The following PDZD7 variants were observed in gnomAD, a reference collection of about 807,000 sequenced individuals.
PDZD7 encodes PDZ domain containing 7.
PDZD7 carries 72 observed loss-of-function variants against 84.7 expected under a neutral mutation model. That is an observed-to-expected ratio of 0.85 (90% CI 0.70 to 1.03). The LOEUF is 1.03. Among genes scored for constraint, PDZD7 ranks in the 50% least tolerant of loss-of-function variants. PDZD7 has a pLI of 0.00. For synonymous variants in PDZD7, 594 were observed against 580.7 expected, an observed-to-expected ratio of 1.02 and a Z score of -0.33; for missense variants, 1,490 against 1,412.9, an observed-to-expected ratio of 1.05 and a Z score of -0.87.
intron 2 of PDZD7, 38 bp downstream of exon 2, chr10:101,029,956 C>CAACCCAAACCAG: frequency 1.5e-6 from 2 of 1,318,206 alleles, no homozygotes; most frequent in Non-Finnish European, 2.2e-6. Flanking sequence ...TACCCCCACC[C>CAACCCAAACCAG]TCCCCAACCC....
At chr10:101,009,676 C>CGG (rs1453360965) in intron 15 of PDZD7, among the ~76,000 whole-genome samples, 1 of 132,614 alleles carries the variant, frequency 7.5e-6, no homozygotes, top group Admixed American at 9.0e-5. Flanking sequence ...GGCACGATCT[C>CGG]GGCTCACCGC....
chr10:101,022,255 T>A lies in PDZD7; in HGVS notation c.673A>T (p.Asn225Tyr). The A allele has an allele frequency of 6.2e-7, 1 of 1,614,190 alleles. No individual in the cohort carries two copies. The highest frequency in any genetic ancestry group is 8.5e-7 in the Non-Finnish European group (1 of 1,180,036). ...CCAAACTCCTTGCCCCCACGGATGTTGAAGCCCAGGCAGAAGTCGTCGGAG... is the reference window on the plus strand; with the variant it reads ...CCAAACTCCTTGCCCCCACGGATGTAGAAGCCCAGGCAGAAGTCGTCGGAG... ...TTSDDFCLGF[N>Y]IRGGKEFGLG... The change falls in exon 5 of 17, where the codon AAC (asparagine) becomes TAC (tyrosine). Residue 225 changes from asparagine (N) to tyrosine (Y), a missense_variant. Asn to Tyr is a moderately radical substitution (Grantham distance 143). Transcript: ENST00000619208.
At position 101,008,477 on chromosome 10, in the gene PDZD7, C is replaced by A; in HGVS notation, c.3092G>T (p.Arg1031Leu). 6.7e-7 allele frequency: 1 copy of A among 1,498,322 alleles called. No homozygotes were observed. Among genetic ancestry groups the A allele is most frequent in the Non-Finnish European group, 8.9e-7 (1 of 1,129,446 alleles). The allele number at this position is 1,498,322 out of a possible 1,614,324, so 92.8% of individuals were successfully genotyped here. A position where few individuals can be genotyped will look rare whatever the true frequency, so the allele number is the denominator to read the frequency against. ...AGGTTAGGGGGAGGGTCATGGGATGCGTGGGGAGGGTGCGGGCTTAGAATC... is the reference window on the plus strand; with the variant it reads ...AGGTTAGGGGGAGGGTCATGGGATGAGTGGGGAGGGTGCGGGCTTAGAATC... ...TPDSKPAPSP[R>L]IP is the part of the protein sequence containing the mutation. The change falls in exon 17 of 17, where the codon CGC (arginine) becomes CTC (leucine). Residue 1031 changes from arginine to leucine, a missense_variant. Transcript: ENST00000619208.
At chr10:101,029,953 A>AC in intron 2 of PDZD7, 41 bp downstream of exon 2, 29 of 719,778 alleles carry the variant, frequency 4.0e-5, no homozygotes, top group East Asian at 1.1e-4. Context: ...CCCTACCCCC[A>AC]CCCTCCCCAA....
rs1428008011 is a variant in PDZD7 at position 101,008,742 on chromosome 10, T to C, written c.2827A>G (p.Met943Val). The C allele has an allele frequency of 6.5e-7, 1 of 1,535,930 alleles. No homozygotes were observed. Among genetic ancestry groups the C allele is most frequent in the East Asian group, 2.4e-5 (1 of 40,900 alleles). The change falls in exon 17 of 17, where the codon ATG becomes GTG. Residue 943 changes from methionine to valine, a missense_variant. By Grantham distance (21) the Met-to-Val change is conservative (BLOSUM62 1). Transcript: ENST00000619208. ...RAYRNKAREP[M>V]ELVVRVPGPS... The stretch of plus-strand genomic sequence containing the variant: ...CCGGGGACCCTGACCACAAGCTCCA[T>C]GGGCTCCCGGGCCTTGTTTCGATAA...
chr10:101,008,649 A>C lies in PDZD7; in HGVS notation c.2920T>G (p.Leu974Val). 6.5e-7 allele frequency: 1 copy of C among 1,536,018 alleles called. No homozygotes were observed. The highest frequency in any genetic ancestry group is 1.2e-5 in the South Asian group (1 of 84,042). ...LTDGGLPADH[L>V]PAHQPLDAAP... ...GCATCAAGGGGTTGGTGGGCAGGCA[A>C]GTGGTCAGCAGGAAGGCCCCCATCA... The change falls in exon 17 of 17, where the codon TTG (leucine) becomes GTG (valine). Residue 974 changes from leucine (L) to valine (V), a missense_variant. Transcript: ENST00000619208.
rs1023223267 is a variant in PDZD7, at chr10:101,011,380, G to A, written c.2005+310C>T. 2.2e-5 allele frequency: 13 copies of A among 585,700 alleles called. No homozygotes were observed. In the African/African-American group the frequency reaches 2.5e-4, roughly 11 times the overall value. The allele number at this position is 585,700 out of a possible 1,614,324, so 36.3% of individuals were successfully genotyped here. A position where few individuals can be genotyped will look rare whatever the true frequency, so the allele number is the denominator to read the frequency against. On this transcript the variant is annotated intron_variant, in intron 14 of 16. Transcript: ENST00000619208. ...AATGCTTCCTGCTGGAATCGTTACC[G>A]TTCTATTTTAATGTGTCTAAGAAAA...
rs1341759487 is a variant in PDZD7, at chr10:101,010,568, C to T, written c.2321G>A (p.Ser774Asn). 3.4e-6 allele frequency: 5 copies of T among 1,487,012 alleles called. No homozygotes were observed. The Admixed American group carries it at 8.0e-5, about 24-fold the overall frequency. The allele number at this position is 1,487,012 out of a possible 1,614,324, so 92.1% of individuals were successfully genotyped here. A position where few individuals can be genotyped will look rare whatever the true frequency, so the allele number is the denominator to read the frequency against. Residue 774 changes from serine (S) to asparagine (N), a missense_variant, in exon 15 of 17, where the codon AGC becomes AAC. Physicochemically the swap from Ser to Asn is conservative, Grantham distance 46. Transcript: ENST00000619208. The part of the protein sequence containing the change: ...SQIRGRAQSR[S>N]RSRSRSRSRS... ...GCTGCGGCTGCGGCTACGGCTGCGGCTACGGCTCTGAGCCCGGCCCCGGAT... is the reference window on the plus strand; with the variant it reads ...GCTGCGGCTGCGGCTACGGCTGCGGTTACGGCTCTGAGCCCGGCCCCGGAT...
chr10:101,026,477 T>C (rs1422238854), intron 2 of PDZD7, among the ~76,000 whole-genome samples: 3 of 17,290 alleles, frequency 1.7e-4, no homozygotes, highest in Non-Finnish European at 3.4e-4. Flanking sequence ...GGGATTTTGA[T>C]GGGTGGGGGG....
Position 101,008,307 on chromosome 10 carries a change from G to T in PDZD7, c.*160C>A. On this transcript the variant is annotated 3_prime_UTR_variant, in exon 17 of 17. Coordinates refer to ENST00000619208, the MANE Select transcript of PDZD7 (RefSeq NM_001195263.2). Reference sequence around the variant, plus strand: ...ACACTAAGGCAGAGCCTTAATGACAGCTGAGGAGGGAAGAAAGTGGAAAGA... The same window carrying T: ...ACACTAAGGCAGAGCCTTAATGACATCTGAGGAGGGAAGAAAGTGGAAAGA... 2.5e-6 allele frequency: 2 copies of T among 787,894 alleles called. No individual in the cohort carries two copies. The highest frequency in any genetic ancestry group is 3.9e-6 in the Non-Finnish European group (2 of 510,174). 48.8% of individuals were successfully genotyped at this position (787,894 alleles called of 1,614,324 possible).
At position 101,018,245 on chromosome 10, in the gene PDZD7, C is replaced by G; in HGVS notation, c.1376G>C (p.Gly459Ala). The stretch of plus-strand genomic sequence containing the variant: ...CAGCGTCTTGGAGCGCTGCAGGGCA[C>G]CCTTCTCCCCAGGGGACCCCGACTT... ...KEKSGSPGEK[G>A]ALQRSKTLMN... Residue 459 changes from glycine to alanine, a missense_variant, in exon 9 of 17, where the codon GGT becomes GCT. Physicochemically the swap from Gly to Ala is moderately conservative, Grantham distance 60. Transcript: ENST00000619208. 1 of 1,614,146 alleles carries G rather than the reference C, an allele frequency of 6.2e-7. No homozygotes were observed. The highest frequency in any genetic ancestry group is 2.2e-5 in the East Asian group (1 of 44,892).
chr10:101,014,956 G>A (rs1852546132), intron 11 of PDZD7, among the ~76,000 whole-genome samples: 1 of 152,238 alleles, frequency 6.6e-6, no homozygotes, highest in African/African-American at 2.4e-5. Context: ...ACAGGGACAG[G>A]AGAGGACCTG....
Position 101,012,241 on chromosome 10 carries a change from G to A in PDZD7, c.1767C>T (p.Gly589=). Residue 589 remains glycine (G), a synonymous_variant, in exon 12 of 17, where the codon GGC becomes GGT. Transcript: ENST00000619208. ...GCAGGGGCCTCACCAGGTCCTCTAT[G>A]CCTCCCTCGTGCACATACTGCAGAT... The part of the protein sequence containing the change: ...RHCSRYVHEG[G]IEDLVRPLLA... The A allele has an allele frequency of 6.5e-7, 1 of 1,550,214 alleles. No homozygotes were observed. The highest frequency in any genetic ancestry group is 8.7e-7 in the Non-Finnish European group (1 of 1,146,976).
chr10:101,012,052 G>T, intron 12 of PDZD7, 36 bp from the exon 13 acceptor site: 1 of 1,542,836 alleles, frequency 6.5e-7, no homozygotes, highest in Non-Finnish European at 8.8e-7. Context: ...GGTGGGAGGG[G>T]CAGGCAGGAT....
intron 8 of PDZD7, 69 bp downstream of exon 8, chr10:101,018,753 G>C (rs1443546198): frequency 2.7e-6 from 4 of 1,486,106 alleles, no homozygotes; most frequent in Non-Finnish European, 3.6e-6. Context: ...TTGAGCCCGG[G>C]ACAGGATGTG....
chr10:101,029,837 A>G (rs748254830), intron 2 of PDZD7, among the ~76,000 whole-genome samples, 157 bp downstream of exon 2: 1 of 152,096 alleles, frequency 6.6e-6, no homozygotes, highest in Non-Finnish European at 1.5e-5. Context: ...GCAGGTGAGG[A>G]AGAGTGTATG....
At position 101,008,214 on chromosome 10, in the gene PDZD7, C is replaced by T; in HGVS notation, c.*253G>A. 1 of 512,734 alleles carries T rather than the reference C, an allele frequency of 2.0e-6. No homozygotes were observed. The allele number at this position is 512,734 out of a possible 1,614,324, so 31.8% of individuals were successfully genotyped here. A position where few individuals can be genotyped will look rare whatever the true frequency, so the allele number is the denominator to read the frequency against. On this transcript the variant is annotated 3_prime_UTR_variant, in exon 17 of 17. Transcript: ENST00000619208. The stretch of plus-strand genomic sequence containing the variant: ...GACCTTGGCTTTCTCACCCCCTATC[C>T]TGGCTTGGGAGGTTGGGGAGCAGTG...
intron 7 of PDZD7, among the ~76,000 whole-genome samples, chr10:101,020,357 C>T (rs764265151): frequency 6.6e-6 from 1 of 152,214 alleles, no homozygotes; most frequent in African/African-American, 2.4e-5. Flanking sequence ...CCGCCCACCT[C>T]AGCCTCCCAA....
chr10:101,010,552 GCGGCTACGGCTGCGGCTA>G lies in PDZD7; in HGVS notation c.2319_2336del (p.Arg779_Ser784del), dbSNP rs397516634. 15,171 of 1,524,830 alleles carry G rather than the reference GCGGCTACGGCTGCGGCTA, an allele frequency of 9.9e-3. 120 individuals carry two copies. The highest frequency in any genetic ancestry group is 0.023 in the Middle Eastern group (136 of 5,936). The allele number at this position is 1,524,830 out of a possible 1,614,324, so 94.5% of individuals were successfully genotyped here. A position where few individuals can be genotyped will look rare whatever the true frequency, so the allele number is the denominator to read the frequency against. ...GACCCCGGCTGCTGCGGCTGCGGCT[GCGGCTACGGCTGCGGCTA>G]CGGCTCTGAGCCCGGCCCCGGATCT... On this transcript the variant is annotated inframe_deletion, in exon 15 of 17. Coordinates refer to ENST00000619208, the MANE Select transcript of PDZD7 (RefSeq NM_001195263.2).
Sources: gnomAD v4.1 joint callset for allele counts (sites outside exome capture counted in the v4.1 genomes callset) on GRCh38, gnomAD v4.1.1 for gene constraint, MANE v1.5 for transcripts, NCBI Gene and HGNC (gene_info 2026-07-23, HGNC 2026-07-21) for gene names.